Variants in PCLO observed in about 807,000 individuals in gnomAD.
The protein encoded by PCLO is piccolo presynaptic cytomatrix protein.
Under a neutral mutation model 427.5 loss-of-function variants are expected in PCLO, and 82 were observed. That is an observed-to-expected ratio of 0.19 (90% CI 0.16 to 0.23). The LOEUF (loss-of-function observed/expected upper bound fraction) is 0.23, where lower values mean the gene tolerates loss of function less well. Among genes scored for constraint, PCLO ranks in the 10% least tolerant of loss-of-function variants. PCLO has a pLI of 1.00. For synonymous variants in PCLO, 2,357 were observed against 2,155.4 expected, an observed-to-expected ratio of 1.09 and a Z score of -2.59; for missense variants, 6,239 against 6,115.9, an observed-to-expected ratio of 1.02 and a Z score of -0.67.
At chr7:83,156,544 T>C (rs1265354906) in intron 1 of PCLO, among the ~76,000 whole-genome samples, 152 bp from the exon 2 acceptor site, 1 of 151,994 alleles carries the variant, frequency 6.6e-6, no homozygotes, top group Admixed American at 6.5e-5. Flanking sequence ...CTTTAAGTGA[T>C]CATAAAAGTT....
Position 82,824,338 on chromosome 7 carries a change from T to C in PCLO, c.14494A>G (p.Ile4832Val). ...WYPLKEQTES[I>V]DHGKSHSSQS... ...CTGGAATGAGACTTGCCATGATCAA[T>C]GCTTTCAGTCTGTTCTTTGAGAGGA... Residue 4832 changes from isoleucine to valine, a missense_variant, in exon 19 of 25, where the codon ATT becomes GTT. Coordinates refer to ENST00000333891, the MANE Select transcript of PCLO (RefSeq NM_033026.6). 4 of 1,613,428 alleles carry C rather than the reference T, an allele frequency of 2.5e-6. No individual in the cohort carries two copies. The highest frequency in any genetic ancestry group is 3.4e-6 in the Non-Finnish European group (4 of 1,179,534).
Position 82,965,494 on chromosome 7 carries a change from A to C in PCLO, c.4017+277T>G, listed in dbSNP as rs540502085. On this transcript the variant is annotated intron_variant, in intron 4 of 24. Transcript: ENST00000333891. ...TAGAGAAAATAAATAAAACTAGATA[A>C]CTTCTTTATCACTCCATATGATTTT... is the stretch of plus-strand genomic sequence containing the variant. 5.6e-3 allele frequency among the ~76,000 whole-genome samples: 848 copies of C among 151,856 alleles called. 4 individuals are homozygous for C. Among genetic ancestry groups the C allele is most frequent in the Non-Finnish European group, 7.7e-3 (524 of 67,920 alleles).
chr7:83,003,692 C>A (rs1303851828), intron 3 of PCLO, among the ~76,000 whole-genome samples: 1 of 151,754 alleles, frequency 6.6e-6, no homozygotes, highest in Admixed American at 6.6e-5. Flanking sequence ...AAGGATAAAT[C>A]CCCCTTAAGT....
intron 6 of PCLO, among the ~76,000 whole-genome samples, chr7:82,930,034 A>T (rs1794804654): frequency 6.6e-6 from 1 of 152,194 alleles, no homozygotes; most frequent in South Asian, 2.1e-4. Context: ...GAACTTTAAC[A>T]TGATAAACTT....
intron 3 of PCLO, among the ~76,000 whole-genome samples, chr7:83,014,763 G>A (rs78267985): frequency 0.012 from 1,754 of 152,198 alleles, 13 homozygotes; most frequent in Non-Finnish European, 0.018. Flanking sequence ...GCAGCAGACA[G>A]TCAAATTATG....
At chr7:82,937,923 A>T (rs1225968856) in intron 6 of PCLO, among the ~76,000 whole-genome samples, 2 of 151,918 alleles carry the variant, frequency 1.3e-5, no homozygotes, top group African/African-American at 4.8e-5. Flanking sequence ...AGGTATCTCC[A>T]CATTAGATTC....
At chr7:83,106,653 A>G (rs936976223) in intron 3 of PCLO, among the ~76,000 whole-genome samples, 2 of 152,182 alleles carry the variant, frequency 1.3e-5, no homozygotes, top group Non-Finnish European at 2.9e-5. Flanking sequence ...TCAAAATTTT[A>G]TATGAAATAA....
chr7:83,086,885 G>T (rs1437635415), intron 3 of PCLO, among the ~76,000 whole-genome samples: 3 of 151,904 alleles, frequency 2.0e-5, no homozygotes, highest in African/African-American at 7.3e-5. Flanking sequence ...ATACTATGCA[G>T]CCATAAAAAA....
At chr7:82,852,332 C>G (rs1792685163) in intron 10 of PCLO, among the ~76,000 whole-genome samples, 1 of 152,036 alleles carries the variant, frequency 6.6e-6, no homozygotes, top group East Asian at 1.9e-4. Flanking sequence ...ACATTTTAGT[C>G]AATGAGCTGG....
intron 3 of PCLO, among the ~76,000 whole-genome samples, chr7:83,001,538 T>A (rs996647433): frequency 5.8e-5 from 8 of 139,026 alleles, no homozygotes; most frequent in Admixed American, 4.9e-4. Flanking sequence ...ACAAAGGAAG[T>A]AAGAAAGAAA....
At chr7:83,063,962 T>A (rs1429021234) in intron 3 of PCLO, among the ~76,000 whole-genome samples, 1 of 152,066 alleles carries the variant, frequency 6.6e-6, no homozygotes, top group Non-Finnish European at 1.5e-5. Flanking sequence ...ATTTGACTTA[T>A]TGAGAAAATA....
chr7:83,162,630 G>A lies in PCLO; in HGVS notation c.-38C>T. 1 of 1,499,148 alleles carries A rather than the reference G, an allele frequency of 6.7e-7. No homozygotes were observed. Among genetic ancestry groups the A allele is most frequent in the Non-Finnish European group, 8.9e-7 (1 of 1,128,164 alleles). The allele number at this position is 1,499,148 out of a possible 1,614,324, so 92.9% of individuals were successfully genotyped here. A position where few individuals can be genotyped will look rare whatever the true frequency, so the allele number is the denominator to read the frequency against. On this transcript the variant is annotated 5_prime_UTR_variant, in exon 1 of 25. Transcript: ENST00000333891. The stretch of plus-strand genomic sequence containing the variant: ...CTCGGGGCCGCCGCGCTCCCTCCTC[G>A]CGCCGCGTCCCAGTCGAGAAGCCCG...
chr7:83,115,617 G>T (rs1436464380), intron 3 of PCLO, among the ~76,000 whole-genome samples: 1 of 151,880 alleles, frequency 6.6e-6, no homozygotes, highest in African/African-American at 2.4e-5. Context: ...CCATAAACAT[G>T]TTTTCTCATA....
chr7:82,878,725 C>CACCT (rs1449060804), intron 10 of PCLO, among the ~76,000 whole-genome samples: 3 of 152,282 alleles, frequency 2.0e-5, no homozygotes, highest in African/African-American at 7.2e-5. Flanking sequence ...AAATAGACCA[C>CACCT]ACCTAGTACA....
chr7:82,777,087 T>G (rs1790770260), intron 22 of PCLO, among the ~76,000 whole-genome samples: 1 of 152,112 alleles, frequency 6.6e-6, no homozygotes, highest in Non-Finnish European at 1.5e-5. Context: ...GAGATTCTGG[T>G]ATGTTGTAAC....
intron 21 of PCLO, among the ~76,000 whole-genome samples, chr7:82,802,044 T>C (rs1304796225): frequency 1.3e-5 from 2 of 151,994 alleles, no homozygotes; most frequent in Non-Finnish European, 2.9e-5. Flanking sequence ...AAAAATGATA[T>C]TTTAATAAAA....
rs902103643 is a variant in PCLO, at chr7:82,914,929, T to C, written c.13057A>G (p.Ile4353Val). Residue 4353 changes from isoleucine to valine, a missense_variant, in exon 7 of 25, where the codon ATT becomes GTT. Transcript: ENST00000333891. ...PISQSRGRIPIVAQNSEEESP... is the reference protein window; with the variant it reads ...PISQSRGRIPVVAQNSEEESP... Reference sequence around the variant, plus strand: ...TCTTCTTCAGAATTCTGGGCCACAATTGGTATTCTTCCTCTACTTTGACTA... The same window carrying C: ...TCTTCTTCAGAATTCTGGGCCACAACTGGTATTCTTCCTCTACTTTGACTA... 1.2e-6 allele frequency: 2 copies of C among 1,613,708 alleles called. No homozygotes were observed. The highest frequency in any genetic ancestry group is 1.7e-6 in the Non-Finnish European group (2 of 1,179,736).
intron 10 of PCLO, among the ~76,000 whole-genome samples, chr7:82,852,265 T>C (rs958782093): frequency 6.6e-6 from 1 of 152,134 alleles, no homozygotes; most frequent in African/African-American, 2.4e-5. Context: ...TTGATTGGAT[T>C]GAAGGATGCA....
rs915610966 is a variant in PCLO at position 83,162,275 on chromosome 7, A to T, written c.248+70T>A. ...TATATGTACCGCCGTGCTGGCACAT[A>T]CAGGCTGGCACATATGTGCACGGGA... On this transcript the variant is annotated intron_variant, in intron 1 of 24. Coordinates refer to ENST00000333891, the MANE Select transcript of PCLO (RefSeq NM_033026.6). 4.6e-5 allele frequency: 68 copies of T among 1,483,508 alleles called. No individual in the cohort carries two copies. In the African/African-American group the frequency reaches 8.7e-4, roughly 19 times the overall value. The allele number at this position is 1,483,508 out of a possible 1,614,324, so 91.9% of individuals were successfully genotyped here. A position where few individuals can be genotyped will look rare whatever the true frequency, so the allele number is the denominator to read the frequency against.
Sources: allele counts gnomAD v4.1 joint callset (sites outside exome capture counted in the v4.1 genomes callset), GRCh38; gene constraint gnomAD v4.1.1; transcripts MANE v1.5; gene names NCBI Gene and HGNC (gene_info 2026-07-23, HGNC 2026-07-21).